Variants in SYN3 observed in about 807,000 individuals in gnomAD.
SYN3 encodes the protein synapsin-3.
Under a neutral mutation model 65.8 loss-of-function variants are expected in SYN3, and 35 were observed. The observed-to-expected ratio is 0.53, with a 90% CI of 0.41 to 0.70. The LOEUF is 0.70. SYN3 is among the 30% of genes least tolerant of loss of function. SYN3 has a pLI of 0.00. For missense variants in SYN3, 680 were observed against 749.0 expected, an observed-to-expected ratio of 0.91 and a Z score of 1.08; for synonymous variants, 270 against 292.9, an observed-to-expected ratio of 0.92 and a Z score of 0.80.
chr22:32,968,060 A>T (rs1218780563), intron 3 of SYN3, among the ~76,000 whole-genome samples: 1 of 152,206 alleles, frequency 6.6e-6, no homozygotes, highest in African/African-American at 2.4e-5. Flanking sequence ...AAGTGGCTGG[A>T]CTAAGGTGGT....
At chr22:32,971,689 T>TA (rs1245291885) in intron 3 of SYN3, among the ~76,000 whole-genome samples, 13 of 152,352 alleles carry the variant, frequency 8.5e-5, no homozygotes, top group African/African-American at 3.1e-4. Flanking sequence ...GGATGAATTC[T>TA]ATGTGACCTC....
chr22:32,527,962 A>G lies in SYN3; in HGVS notation c.1274T>C (p.Leu425Pro), dbSNP rs200853898. ...CTGGGGCTGGCCTAGCTGAGGCCCCAGCTGGGCTTGCCCTGGGGATTTCGC... is the reference window on the plus strand; with the variant it reads ...CTGGGGCTGGCCTAGCTGAGGCCCCGGCTGGGCTTGCCCTGGGGATTTCGC... ...KSAKSPGQAQ[L>P]GPQLGQPQPR... The change falls in exon 12 of 14, where the codon CTG becomes CCG. Residue 425 changes from leucine to proline, a missense_variant. Coordinates refer to ENST00000358763, the MANE Select transcript of SYN3 (RefSeq NM_003490.4). The G allele has an allele frequency of 1.3e-6, 2 of 1,592,372 alleles. No individual in the cohort carries two copies. The highest frequency in any genetic ancestry group is 4.6e-5 in the East Asian group (2 of 43,868).
intron 6 of SYN3, among the ~76,000 whole-genome samples, chr22:32,789,238 C>T (rs549473865): frequency 6.6e-6 from 1 of 152,316 alleles, no homozygotes; most frequent in South Asian, 2.1e-4. Context: ...GAAATCAGCC[C>T]CCAATCACTG....
chr22:32,960,490 C>T (rs2051613585), intron 3 of SYN3, among the ~76,000 whole-genome samples: 2 of 152,210 alleles, frequency 1.3e-5, no homozygotes, highest in Admixed American at 6.5e-5. Flanking sequence ...TGGTGCTCCC[C>T]TGTGCCCCCC....
intron 6 of SYN3, among the ~76,000 whole-genome samples, chr22:32,762,018 C>T (rs939457168): frequency 2.6e-5 from 4 of 152,210 alleles, no homozygotes; most frequent in Non-Finnish European, 4.4e-5. Flanking sequence ...TTAGCGAGGG[C>T]TTGGGTGGGT....
intron 6 of SYN3, among the ~76,000 whole-genome samples, chr22:32,834,280 G>A (rs898441680): frequency 6.6e-6 from 1 of 151,974 alleles, no homozygotes; most frequent in African/African-American, 2.4e-5. Flanking sequence ...AGCCTCCCAA[G>A]TAGTTGGGAT....
In SYN3 at chr22:32,686,752, C is replaced by T. The variant is rs898517625; in HGVS notation, c.712-90016G>A. On this transcript the variant is annotated intron_variant, in intron 6 of 13. Coordinates refer to ENST00000358763, the MANE Select transcript of SYN3 (RefSeq NM_003490.4). ...CTGGGATTACAGGCGCCCACCACCA[C>T]GTCCATCTAATTTTTTGTATTTTTA... is the stretch of plus-strand genomic sequence containing the variant. Among the ~76,000 whole-genome samples, 5 of 152,024 alleles carry T rather than the reference C, an allele frequency of 3.3e-5. No individual in the cohort carries two copies. The East Asian group carries it at 5.8e-4, about 18-fold the overall frequency.
chr22:32,848,028 C>T (rs2048118431), intron 6 of SYN3, among the ~76,000 whole-genome samples: 1 of 152,240 alleles, frequency 6.6e-6, no homozygotes, highest in South Asian at 2.1e-4. Flanking sequence ...TTACTCTCTG[C>T]AATTTCCAGT....
At chr22:32,772,264 C>T (rs916459231) in intron 6 of SYN3, among the ~76,000 whole-genome samples, 3 of 135,972 alleles carry the variant, frequency 2.2e-5, no homozygotes, top group African/African-American at 2.8e-5. Flanking sequence ...TTTTTCTTTT[C>T]TTTTTTTTTT....
At chr22:32,611,021 T>G (rs1428272616) in intron 6 of SYN3, among the ~76,000 whole-genome samples, 1 of 152,248 alleles carries the variant, frequency 6.6e-6, no homozygotes, top group African/African-American at 2.4e-5. Flanking sequence ...TTTCCAGTGA[T>G]TGCAGACCAT....
chr22:32,867,409 C>T (rs2048714452), intron 5 of SYN3, among the ~76,000 whole-genome samples: 1 of 152,174 alleles, frequency 6.6e-6, no homozygotes, highest in South Asian at 2.1e-4. Context: ...CTTACAACAG[C>T]ACCTGGAACA....
At chr22:32,786,066 T>C (rs920226088) in intron 6 of SYN3, among the ~76,000 whole-genome samples, 2 of 152,200 alleles carry the variant, frequency 1.3e-5, no homozygotes, top group African/African-American at 2.4e-5. Context: ...ATTTACTTAC[T>C]GCACACTTTC....
At chr22:32,815,019 A>G (rs925000580) in intron 6 of SYN3, among the ~76,000 whole-genome samples, 8 of 152,232 alleles carry the variant, frequency 5.3e-5, no homozygotes, top group Non-Finnish European at 5.9e-5. Context: ...AGTTTTTGAC[A>G]TCCATTATGT....
chr22:32,541,572 T>A lies in SYN3; in HGVS notation c.916A>T (p.Met306Leu). 1 of 1,614,072 alleles carries A rather than the reference T, an allele frequency of 6.2e-7. No individual in the cohort carries two copies. Among genetic ancestry groups the A allele is most frequent in the South Asian group, 1.1e-5 (1 of 91,074 alleles). ...CCAGCCCCTGCCCCAGAGACTCACA[T>A]GTAAGCCTTGTAGTTGGATCCAATT... is the stretch of plus-strand genomic sequence containing the variant. ...QKIGSNYKAY[M>L]RTSISGNWKA... The change falls in exon 8 of 14, where the codon ATG becomes TTG. Residue 306 changes from methionine (M) to leucine (L), a missense_variant and splice_region_variant. Physicochemically the swap from Met to Leu is conservative, Grantham distance 15. Coordinates refer to ENST00000358763, the MANE Select transcript of SYN3 (RefSeq NM_003490.4).
At chr22:32,809,253 A>G (rs1393300929) in intron 6 of SYN3, among the ~76,000 whole-genome samples, 1 of 152,166 alleles carries the variant, frequency 6.6e-6, no homozygotes, top group Non-Finnish European at 1.5e-5. Context: ...TGTGTTTCCA[A>G]TCAGTCTCTC....
intron 6 of SYN3, among the ~76,000 whole-genome samples, chr22:32,800,200 T>G (rs2046529828): frequency 6.6e-6 from 1 of 152,220 alleles, no homozygotes; most frequent in African/African-American, 2.4e-5. Flanking sequence ...GAACTTGCAT[T>G]TCTCCCTGTT....
chr22:32,828,207 G>A (rs2047470108), intron 6 of SYN3, among the ~76,000 whole-genome samples: 1 of 152,184 alleles, frequency 6.6e-6, no homozygotes, highest in African/African-American at 2.4e-5. Context: ...TCTTGCCCTG[G>A]TTTCCCAGCT....
chr22:32,660,104 T>TCCATGCATTGAGCAC (rs1349574727), intron 6 of SYN3, among the ~76,000 whole-genome samples: 3 of 152,176 alleles, frequency 2.0e-5, no homozygotes, highest in Non-Finnish European at 4.4e-5. Flanking sequence ...CCATTGAACA[T>TCCATGCATTGAGCAC]CCATGCATTG....
intron 6 of SYN3, among the ~76,000 whole-genome samples, chr22:32,727,696 T>C (rs1601998214): frequency 1.3e-5 from 2 of 152,250 alleles, no homozygotes; most frequent in East Asian, 1.9e-4. Context: ...TGAGATGGCA[T>C]CTCATTGTAG....
Sources: allele counts gnomAD v4.1 joint callset (sites outside exome capture counted in the v4.1 genomes callset), GRCh38; gene constraint gnomAD v4.1.1; transcripts MANE v1.5; gene names NCBI Gene and HGNC (gene_info 2026-07-23, HGNC 2026-07-21).